The following TPX2 variants were observed in gnomAD, a reference collection of about 807,000 sequenced individuals.
The protein encoded by TPX2 is TPX2 microtubule nucleation factor.
A neutral mutation model predicts 93.6 loss-of-function variants in TPX2; 21 were observed. That is an observed-to-expected ratio of 0.22 (90% CI 0.16 to 0.32). The LOEUF is 0.32. Ranked by LOEUF, TPX2 falls within the 10% of genes least tolerant of loss-of-function variation. TPX2 has a pLI of 1.00. For missense variants in TPX2, 776 were observed against 871.1 expected (o/e 0.89, Z 1.37); for synonymous variants, 281 against 298.3 (o/e 0.94, Z 0.60).
At position 31,770,476 on chromosome 20, in the gene TPX2, G is replaced by A; in HGVS notation, c.485+5G>A. The A allele has an allele frequency of 6.4e-7, 1 of 1,570,608 alleles. No individual in the cohort carries two copies. The highest frequency in any genetic ancestry group is 8.6e-7 in the Non-Finnish European group (1 of 1,160,618). On this transcript the variant is annotated splice_donor_5th_base_variant and intron_variant, in intron 6 of 17. Transcript: ENST00000300403. ...ACCCTCTAAGAAAATGAAAGTGTGA[G>A]TAGCCACAACTTCTTACTGCCAAGG...
At chr20:31,774,018 C>G (rs1213899586) in intron 7 of TPX2, among the ~76,000 whole-genome samples, 1 of 152,010 alleles carries the variant, frequency 6.6e-6, no homozygotes, top group East Asian at 1.9e-4. Context: ...ATTACTGGCA[C>G]TTGCCACTAT....
rs751944816 is a variant in TPX2 at position 31,766,532 on chromosome 20, T to C, written c.230-24T>C. On this transcript the variant is annotated intron_variant, in intron 4 of 17. Transcript: ENST00000300403. ...ATTATTTTCCTTGGCCTTTGAGTGCTGACTAGCTTTTGGTCTTCCGCAGTT... is the reference window on the plus strand; with the variant it reads ...ATTATTTTCCTTGGCCTTTGAGTGCCGACTAGCTTTTGGTCTTCCGCAGTT... 26 of 1,602,106 alleles carry C rather than the reference T, an allele frequency of 1.6e-5. 1 individual carries two copies. The South Asian group carries it at 2.7e-4, about 16-fold the overall frequency.
intron 12 of TPX2, among the ~76,000 whole-genome samples, chr20:31,790,495 A>G (rs1407124129): frequency 6.6e-6 from 1 of 152,242 alleles, no homozygotes; most frequent in Non-Finnish European, 1.5e-5. Context: ...GTAGTCCAAG[A>G]TAATAGAGGT....
intron 4 of TPX2, 100 bp from the exon 5 acceptor site, chr20:31,766,453 GGGT>G: frequency 3.2e-6 from 4 of 1,238,948 alleles, no homozygotes; most frequent in South Asian, 3.2e-5. Flanking sequence ...GGCTTAGACA[GGGT>G]GTGTGTGTGT....
At chr20:31,786,894 G>T (rs1174366651) in intron 12 of TPX2, among the ~76,000 whole-genome samples, 1 of 152,100 alleles carries the variant, frequency 6.6e-6, no homozygotes, top group Non-Finnish European at 1.5e-5. Flanking sequence ...AAAGCACTAG[G>T]TAAGGTGTGA....
At chr20:31,766,990 T>G (rs533383283) in intron 5 of TPX2, among the ~76,000 whole-genome samples, 6 of 151,798 alleles carry the variant, frequency 4.0e-5, no homozygotes, top group Admixed American at 2.6e-4. Flanking sequence ...TTAGTAGAGA[T>G]AGGGTTTTGC....
At chr20:31,799,314 T>C (rs1028816108) in intron 17 of TPX2, among the ~76,000 whole-genome samples, 2 of 152,234 alleles carry the variant, frequency 1.3e-5, no homozygotes, top group African/African-American at 4.8e-5. Flanking sequence ...GGGGAGATGT[T>C]GGTAAAAGGT....
At chr20:31,780,054 AT>A (rs1173487185) in intron 10 of TPX2, among the ~76,000 whole-genome samples, 2 of 151,840 alleles carry the variant, frequency 1.3e-5, no homozygotes, top group African/African-American at 4.8e-5. Context: ...TTGCATAGGC[AT>A]TTTTTTTGAG....
intron 5 of TPX2, 58 bp downstream of exon 5, chr20:31,766,740 C>G: frequency 6.5e-7 from 1 of 1,545,012 alleles, no homozygotes; most frequent in Non-Finnish European, 8.8e-7. Flanking sequence ...AGGATAGTTA[C>G]TGGACAGAAC....
At chr20:31,769,944 C>T (rs940793329) in intron 5 of TPX2, among the ~76,000 whole-genome samples, 4 of 152,014 alleles carry the variant, frequency 2.6e-5, no homozygotes, top group Non-Finnish European at 5.9e-5. Context: ...ACCACAGATG[C>T]GCACCAGCAC....
intron 4 of TPX2, among the ~76,000 whole-genome samples, chr20:31,764,952 T>C (rs894257947): frequency 6.7e-6 from 1 of 149,886 alleles, no homozygotes; most frequent in Non-Finnish European, 1.5e-5. Context: ...TTTTGTTTTT[T>C]TGTTTTTGTT....
chr20:31,755,780 A>G (rs564677708), intron 2 of TPX2, among the ~76,000 whole-genome samples: 1 of 152,110 alleles, frequency 6.6e-6, no homozygotes, highest in African/African-American at 2.4e-5. Flanking sequence ...AAAAAGACAA[A>G]TGGCTCATTG....
chr20:31,767,471 C>T (rs925086279), intron 5 of TPX2, among the ~76,000 whole-genome samples: 2 of 151,940 alleles, frequency 1.3e-5, no homozygotes, highest in South Asian at 2.1e-4. Flanking sequence ...CTCCTGGGTT[C>T]AAGTGATCCT....
At chr20:31,740,690 A>T (rs2061748473) in intron 1 of TPX2, among the ~76,000 whole-genome samples, 1 of 152,236 alleles carries the variant, frequency 6.6e-6, no homozygotes, top group African/African-American at 2.4e-5. Flanking sequence ...AAGATAGGAC[A>T]CCATCTGGGT....
In TPX2 at chr20:31,783,827, G is replaced by T. The variant is rs2062049392; in HGVS notation, c.1319G>T (p.Arg440Ile). ...GGCTTTGATTTGGAAATTGAGAAAA[G>T]AATCCAGGAGCGAGAATCAAAGAAG... is the stretch of plus-strand genomic sequence containing the variant. ...PIGFDLEIEK[R>I]IQERESKKKT... The change falls in exon 12 of 18, where the codon AGA (arginine) becomes ATA (isoleucine). Residue 440 changes from arginine to isoleucine, a missense_variant. Arg to Ile is a moderately conservative substitution (Grantham distance 97, BLOSUM62 -3). Around this residue, in one of 3 missense-constraint regions of TPX2, gnomAD observed 461 missense variants for 551.2 expected, o/e 0.84. Coordinates refer to ENST00000300403, the MANE Select transcript of TPX2 (RefSeq NM_012112.5). 10 of 1,610,766 alleles carry T rather than the reference G, an allele frequency of 6.2e-6. No individual in the cohort carries two copies. Among genetic ancestry groups the T allele is most frequent in the Non-Finnish European group, 8.5e-6 (10 of 1,179,370 alleles).
At chr20:31,753,420 C>T (rs1229744160) in intron 2 of TPX2, among the ~76,000 whole-genome samples, 1 of 152,140 alleles carries the variant, frequency 6.6e-6, no homozygotes, top group Non-Finnish European at 1.5e-5. Flanking sequence ...TTTAGTATAT[C>T]ATGGCACCTG....
In TPX2 at chr20:31,762,601, C is replaced by T. The variant is rs554865272; in HGVS notation, c.229+2422C>T. ...CTGACTTCAAGTGATCCTCCCACCT[C>T]GGCCTCCCAAAGTGCTGGGATTAGA... On this transcript the variant is annotated intron_variant, in intron 4 of 17. Coordinates refer to ENST00000300403, the MANE Select transcript of TPX2 (RefSeq NM_012112.5). Among the ~76,000 whole-genome samples, 146 of 152,214 alleles carry T rather than the reference C, an allele frequency of 9.6e-4. 1 individual carries two copies. The highest frequency in any genetic ancestry group is 3.4e-3 in the African/African-American group (143 of 41,526).
At chr20:31,796,053 T>G (rs906044434) in intron 15 of TPX2, among the ~76,000 whole-genome samples, 10 of 152,198 alleles carry the variant, frequency 6.6e-5, no homozygotes, top group Non-Finnish European at 1.5e-5. Context: ...ATAGTGAATT[T>G]TCCCCTCTCA....
chr20:31,765,499 T>G lies in TPX2; in HGVS notation c.230-1057T>G, dbSNP rs1227884107. ...TTGTTTTTATATTTTGTTTTACAGGTGGGATCTCACTGTGTTGCCCAAGCT... is the reference window on the plus strand; with the variant it reads ...TTGTTTTTATATTTTGTTTTACAGGGGGGATCTCACTGTGTTGCCCAAGCT... On this transcript the variant is annotated intron_variant, in intron 4 of 17. Coordinates refer to ENST00000300403, the MANE Select transcript of TPX2 (RefSeq NM_012112.5). Among the ~76,000 whole-genome samples, 3 of 151,934 alleles carry G rather than the reference T, an allele frequency of 2.0e-5. No individual in the cohort carries two copies. The East Asian group carries it at 5.8e-4, about 29-fold the overall frequency.
Sources: allele counts gnomAD v4.1 joint callset (sites outside exome capture counted in the v4.1 genomes callset), GRCh38; gene constraint gnomAD v4.1.1; regional missense constraint gnomAD v4.1.1; transcripts MANE v1.5; gene names NCBI Gene and HGNC (gene_info 2026-07-23, HGNC 2026-07-21).